SKAP2: variants seen among roughly 807,000 people sequenced by gnomAD.
SKAP2 encodes the protein src kinase associated phosphoprotein 2.
Under a neutral mutation model 54.9 loss-of-function variants are expected in SKAP2, and 28 were observed. That is an observed-to-expected ratio of 0.51 (90% CI 0.38 to 0.70). SKAP2 has a LOEUF of 0.70. Ranked by LOEUF, SKAP2 falls within the 30% of genes least tolerant of loss-of-function variation. The pLI is 0.00. For synonymous variants in SKAP2, 137 were observed against 134.3 expected, an observed-to-expected ratio of 1.02 and a Z score of -0.14; for missense variants, 356 against 424.1, an observed-to-expected ratio of 0.84 and a Z score of 1.41.
At chr7:26,858,803 C>G (rs1433212617) in intron 1 of SKAP2, among the ~76,000 whole-genome samples, 2 of 152,198 alleles carry the variant, frequency 1.3e-5, no homozygotes, top group East Asian at 3.8e-4. Flanking sequence ...AAGTAACTCT[C>G]AGCTTCTGGA....
At chr7:26,796,154 A>C (rs1011084087) in intron 4 of SKAP2, among the ~76,000 whole-genome samples, 6 of 152,238 alleles carry the variant, frequency 3.9e-5, no homozygotes, top group African/African-American at 1.4e-4. Flanking sequence ...CGCACCACAG[A>C]TCATACATGA....
intron 4 of SKAP2, among the ~76,000 whole-genome samples, chr7:26,744,157 T>C (rs1782512393): frequency 6.6e-6 from 1 of 152,100 alleles, no homozygotes; most frequent in Non-Finnish European, 1.5e-5. Flanking sequence ...TCTTTTTTTT[T>C]CTTGAATCTA....
At position 26,788,959 on chromosome 7, in the gene SKAP2, T is replaced by C. The variant is rs902638750; in HGVS notation, c.308-48995A>G. Among the ~76,000 whole-genome samples the C allele has an allele frequency of 2.6e-5, 4 of 152,238 alleles. No homozygotes were observed. In the East Asian group the frequency reaches 5.8e-4, roughly 22 times the overall value. ...TCCGCACTAAGAAGCACATCTACCA[T>C]TGATGTAGAAACAGTATAATACTCT... On this transcript the variant is annotated intron_variant, in intron 4 of 12. Coordinates refer to ENST00000345317, the MANE Select transcript of SKAP2 (RefSeq NM_003930.5).
intron 4 of SKAP2, among the ~76,000 whole-genome samples, chr7:26,843,053 T>C (rs1784850966): frequency 6.6e-6 from 1 of 152,092 alleles, no homozygotes; most frequent in African/African-American, 2.4e-5. Flanking sequence ...ATGCATGTAC[T>C]TGACTTATCC....
chr7:26,657,387 C>A, the SKAP2 span, among the ~76,000 whole-genome samples: 2 of 152,144 alleles, frequency 1.3e-5, no homozygotes, highest in Non-Finnish European at 2.9e-5. Flanking sequence ...TCCTGCTTCC[C>A]ATCAAAATTC....
downstream of SKAP2, among the ~76,000 whole-genome samples, chr7:26,662,088 ACT>A (rs1262269301): frequency 6.6e-6 from 1 of 151,900 alleles, no homozygotes; most frequent in Non-Finnish European, 1.5e-5. Flanking sequence ...TGCTGGTACA[ACT>A]CTGTCTCCAA....
At position 26,670,080 on chromosome 7, in the gene SKAP2, A is replaced by T. The variant is rs1421321623; in HGVS notation, c.*9+11T>A. ...GAGCTATTACAGAATATTGGATTAA[A>T]ATGTACTTACCCAGGACTCTCAAAT... is the stretch of plus-strand genomic sequence containing the variant. On this transcript the variant is annotated intron_variant, in intron 12 of 12. Coordinates refer to ENST00000345317, the MANE Select transcript of SKAP2 (RefSeq NM_003930.5). 9.2e-7 allele frequency: 1 copy of T among 1,087,976 alleles called. No homozygotes were observed. The highest frequency in any genetic ancestry group is 1.4e-6 in the Non-Finnish European group (1 of 700,236). The allele number at this position is 1,087,976 out of a possible 1,614,324, so 67.4% of individuals were successfully genotyped here. A position where few individuals can be genotyped will look rare whatever the true frequency, so the allele number is the denominator to read the frequency against.
At chr7:26,817,462 T>C (rs1417304076) in intron 4 of SKAP2, among the ~76,000 whole-genome samples, 1 of 152,076 alleles carries the variant, frequency 6.6e-6, no homozygotes, top group Non-Finnish European at 1.5e-5. Context: ...GAGTTATTAT[T>C]ATATAAAATC....
At chr7:26,828,504 C>T (rs986467236) in intron 4 of SKAP2, among the ~76,000 whole-genome samples, 2 of 150,854 alleles carry the variant, frequency 1.3e-5, no homozygotes, top group African/African-American at 2.4e-5. Context: ...GGTGAAACCC[C>T]GTCTCTACTA....
At chr7:26,773,814 A>T (rs1262724382) in intron 4 of SKAP2, among the ~76,000 whole-genome samples, 2 of 152,218 alleles carry the variant, frequency 1.3e-5, no homozygotes, top group Admixed American at 6.5e-5. Context: ...CAAAACAATA[A>T]CCATAAATAT....
chr7:26,805,219 G>T (rs766900315), intron 4 of SKAP2, among the ~76,000 whole-genome samples: 6 of 152,080 alleles, frequency 3.9e-5, no homozygotes, highest in Non-Finnish European at 8.8e-5. Context: ...ATCAGATTAT[G>T]AAACAATCAA....
At chr7:26,806,443 G>A (rs909072176) in intron 4 of SKAP2, among the ~76,000 whole-genome samples, 2 of 152,160 alleles carry the variant, frequency 1.3e-5, no homozygotes, top group Non-Finnish European at 1.5e-5. Flanking sequence ...CAGGTATGGC[G>A]TTATATGCCT....
At chr7:26,848,352 CA>C (rs962674693) in intron 3 of SKAP2, among the ~76,000 whole-genome samples, 2 of 152,036 alleles carry the variant, frequency 1.3e-5, no homozygotes, top group Non-Finnish European at 2.9e-5. Context: ...TTCCAAAATC[CA>C]AAACTTTTTG....
chr7:26,751,744 T>A (rs1242789127), intron 4 of SKAP2, among the ~76,000 whole-genome samples: 2 of 152,318 alleles, frequency 1.3e-5, no homozygotes, highest in African/African-American at 4.8e-5. Flanking sequence ...ATTCATACAT[T>A]CTTATCTATT....
intron 4 of SKAP2, among the ~76,000 whole-genome samples, chr7:26,828,817 A>C (rs888606674): frequency 6.6e-6 from 1 of 152,006 alleles, no homozygotes; most frequent in Non-Finnish European, 1.5e-5. Flanking sequence ...ACCTGAGATC[A>C]GGAGTTCAAG....
intron 4 of SKAP2, among the ~76,000 whole-genome samples, chr7:26,793,366 C>G (rs1425224577): frequency 1.3e-5 from 2 of 152,180 alleles, no homozygotes; most frequent in African/African-American, 4.8e-5. Context: ...AGTATCCTTA[C>G]AGAAGAATTC....
intron 11 of SKAP2, among the ~76,000 whole-genome samples, chr7:26,674,165 A>ATT (rs1786300212): frequency 6.6e-6 from 1 of 152,138 alleles, no homozygotes. Flanking sequence ...GTTAAAAAAA[A>ATT]TTTGTGTCCT....
At chr7:26,843,184 A>G (rs1784853663) in intron 4 of SKAP2, among the ~76,000 whole-genome samples, 1 of 152,042 alleles carries the variant, frequency 6.6e-6, no homozygotes, top group Non-Finnish European at 1.5e-5. Flanking sequence ...TCATTCAGCA[A>G]TTGTATTTAG....
chr7:26,844,934 G>C lies in SKAP2; in HGVS notation c.200-797C>G, dbSNP rs976606469. Among the ~76,000 whole-genome samples the C allele has an allele frequency of 2.6e-5, 4 of 151,644 alleles. No homozygotes were observed. The East Asian group carries it at 7.7e-4, about 29-fold the overall frequency. ...CTAATTAATCTCCACAAGATCTTGT[G>C]GTTTCAATTTTTTCCATATAATCAT... On this transcript the variant is annotated intron_variant, in intron 3 of 12. Transcript: ENST00000345317.
Sources: gnomAD v4.1 joint callset for allele counts (sites outside exome capture counted in the v4.1 genomes callset) on GRCh38, gnomAD v4.1.1 for gene constraint, MANE v1.5 for transcripts, NCBI Gene and HGNC (gene_info 2026-07-23, HGNC 2026-07-21) for gene names.